The following C11orf65 variants were observed in gnomAD, a reference collection of about 807,000 sequenced individuals.
C11orf65 encodes the protein chromosome 11 open reading frame 65.
In C11orf65, 38 loss-of-function variants were observed where a neutral mutation model predicts 35.3. The observed-to-expected ratio is 1.08, with a 90% CI of 0.83 to 1.41. The LOEUF is 1.41. Among genes scored for constraint, C11orf65 ranks in the 40% most tolerant of loss-of-function variants. The pLI is 0.00. For missense variants in C11orf65, 370 were observed against 367.1 expected (o/e 1.01, Z -0.06); for synonymous variants, 105 against 114.4 (o/e 0.92, Z 0.53).
At chr11:108,336,986 C>T (rs1018345942) in intron 2 of C11orf65, among the ~76,000 whole-genome samples, 2 of 152,160 alleles carry the variant, frequency 1.3e-5, no homozygotes, top group African/African-American at 4.8e-5. Flanking sequence ...GTAACAGGGA[C>T]TATGGGTGAC....
chr11:108,407,205 A>G (rs914997622), intron 3 of C11orf65, 56 bp from the exon 4 acceptor site: 5 of 1,225,502 alleles, frequency 4.1e-6, no homozygotes, highest in Admixed American at 4.5e-5. Flanking sequence ...GTATGTATCA[A>G]TTCACTATTT....
At position 108,445,125 on chromosome 11, in the gene C11orf65, G is replaced by A. The variant is rs555376453; in HGVS notation, c.82-13287C>T. 3.3e-5 allele frequency among the ~76,000 whole-genome samples: 5 copies of A among 152,306 alleles called. No homozygotes were observed. In the East Asian group the frequency reaches 9.7e-4, roughly 29 times the overall value. The stretch of plus-strand genomic sequence containing the variant: ...AGCCGGGAAGCTCCAACTGGATGGA[G>A]CCCACCACAGCTCAAGGAGGCCTGC... On this transcript the variant is annotated intron_variant, in intron 2 of 8. Transcript: ENST00000393084.
At chr11:108,453,552 G>A (rs1297980798) in intron 2 of C11orf65, among the ~76,000 whole-genome samples, 1 of 152,048 alleles carries the variant, frequency 6.6e-6, no homozygotes, top group African/African-American at 2.4e-5. Flanking sequence ...TAAAAGAATA[G>A]GAAAAGATGT....
chr11:108,425,192 C>A (rs565319712), intron 3 of C11orf65, among the ~76,000 whole-genome samples: 1 of 151,822 alleles, frequency 6.6e-6, no homozygotes, highest in African/African-American at 2.4e-5. Flanking sequence ...CACAAAAAAA[C>A]CTGCAAAAAA....
intron 2 of C11orf65, among the ~76,000 whole-genome samples, chr11:108,457,755 G>A (rs932499069): frequency 2.0e-5 from 3 of 152,064 alleles, no homozygotes; most frequent in Admixed American, 6.6e-5. Flanking sequence ...TATTAAAGAA[G>A]TACTCATGTT....
At chr11:108,330,064 A>G, downstream of C11orf65, 1 of 785,040 alleles carries the variant, frequency 1.3e-6, no homozygotes, top group South Asian at 1.6e-5. Context: ...GACAAAAGTA[A>G]GTTTATTCCC....
intron 6 of C11orf65, among the ~76,000 whole-genome samples, chr11:108,395,834 G>C (rs1269543865): frequency 6.6e-6 from 1 of 150,558 alleles, no homozygotes; most frequent in Non-Finnish European, 1.5e-5. Context: ...TGTGAGCCCG[G>C]ATGGTCTCGA....
chr11:108,359,331 C>T (rs1001413429), intron 2 of C11orf65, among the ~76,000 whole-genome samples: 1 of 151,816 alleles, frequency 6.6e-6, no homozygotes, highest in African/African-American at 2.4e-5. Flanking sequence ...ACTTAGAATC[C>T]CACACATTAA....
At chr11:108,390,612 T>G (rs2092137174) in intron 7 of C11orf65, among the ~76,000 whole-genome samples, 1 of 152,162 alleles carries the variant, frequency 6.6e-6, no homozygotes. Flanking sequence ...CCTGGGAAAC[T>G]CATTCAAAAT....
chr11:108,365,871 A>C (rs2091290600), intron 2 of C11orf65: 1 of 222,198 alleles, frequency 4.5e-6, no homozygotes, highest in African/African-American at 2.3e-5. Flanking sequence ...TCTACTAAAA[A>C]TACAAAAATT....
At chr11:108,408,012 AT>A (rs1296048074) in intron 3 of C11orf65, among the ~76,000 whole-genome samples, 1 of 146,484 alleles carries the variant, frequency 6.8e-6, no homozygotes, top group Non-Finnish European at 1.5e-5. Flanking sequence ...TATTATTATT[AT>A]TATTATTATT....
In C11orf65 at chr11:108,312,442, A is replaced by T. The variant is rs1060501603; in HGVS notation, c.641-3371T>A. The T allele has an allele frequency of 6.3e-7, 1 of 1,597,228 alleles. No homozygotes were observed. Among genetic ancestry groups the T allele is most frequent in the Admixed American group, 1.7e-5 (1 of 59,992 alleles). On this transcript the variant is annotated intron_variant, in intron 6 of 6. Transcript: ENST00000525729. ...TGCATTTGAAGAAGGAAGCCAGAGT[A>T]CAACTATTTCTAGCTTGAGTGAAAA... is the stretch of plus-strand genomic sequence containing the variant.
chr11:108,370,392 T>G (rs117355750), intron 2 of C11orf65, among the ~76,000 whole-genome samples: 2,254 of 152,134 alleles, frequency 0.015, 68 homozygotes, highest in African/African-American at 0.05. Context: ...GGATTTTCTA[T>G]GTATATAATC....
downstream of C11orf65, chr11:108,329,234 A>G (rs1555122326): frequency 5.6e-6 from 9 of 1,611,364 alleles, no homozygotes; most frequent in Non-Finnish European, 7.6e-6. Context: ...AATTCAGACA[A>G]ACAGGTAACT....
At chr11:108,341,996 C>G (rs1429558064) in intron 2 of C11orf65, among the ~76,000 whole-genome samples, 1 of 152,166 alleles carries the variant, frequency 6.6e-6, no homozygotes, top group African/African-American at 2.4e-5. Flanking sequence ...CTTGTCCAAC[C>G]CACAGCCTGC....
rs1195901554 is a variant in C11orf65, at chr11:108,393,363, A to G, written c.576T>C (p.Ser192=). Residue 192 remains serine (S), a synonymous_variant, in exon 7 of 9, where the codon AGT becomes AGC. Transcript: ENST00000393084. Reference sequence around the variant, plus strand: ...CATGATGTGTTGACTTAGCCTCCAGACTTCCTGAGTAGTACCTAAATAGGC... The same window carrying G: ...CATGATGTGTTGACTTAGCCTCCAGGCTTCCTGAGTAGTACCTAAATAGGC... The part of the protein sequence containing the change: ...EWMRQMYYSG[S]LEAKSTHHET... The G allele has an allele frequency of 6.2e-7, 1 of 1,613,868 alleles. No homozygotes were observed. The highest frequency in any genetic ancestry group is 8.5e-7 in the Non-Finnish European group (1 of 1,179,864).
intron 2 of C11orf65, among the ~76,000 whole-genome samples, chr11:108,369,261 G>A (rs1227095677): frequency 6.6e-6 from 1 of 152,150 alleles, no homozygotes; most frequent in African/African-American, 2.4e-5. Flanking sequence ...GTGTGAACCG[G>A]GGAGCCTATT....
chr11:108,354,078 C>CAT (rs972768528), intron 2 of C11orf65, among the ~76,000 whole-genome samples: 27 of 149,434 alleles, frequency 1.8e-4, no homozygotes, highest in Middle Eastern at 3.4e-3. Context: ...CAAACACACA[C>CAT]ACACACACAC....
At chr11:108,336,124 C>G in intron 2 of C11orf65, 1 of 587,364 alleles carries the variant, frequency 1.7e-6, no homozygotes, top group South Asian at 2.0e-5. Flanking sequence ...TAGTGAGACC[C>G]CATCTTGACA....
Sources: gnomAD v4.1 joint callset for allele counts (sites outside exome capture counted in the v4.1 genomes callset) on GRCh38, gnomAD v4.1.1 for gene constraint, MANE v1.5 for transcripts, NCBI Gene and HGNC (gene_info 2026-07-23, HGNC 2026-07-21) for gene names.